CDK18: variants seen among roughly 807,000 people sequenced by gnomAD.
CDK18 encodes cyclin-dependent kinase 18.
Under a neutral mutation model 62.0 loss-of-function variants are expected in CDK18, and 52 were observed. That is an observed-to-expected ratio of 0.84 (90% CI 0.67 to 1.06). The LOEUF is 1.06. Among genes scored for constraint, CDK18 ranks in the 50% least tolerant of loss-of-function variants. The probability of loss-of-function intolerance (pLI) is 0.00; values close to 1 mark genes in which losing one functional copy is unlikely to be tolerated. For missense variants in CDK18, 604 were observed against 619.9 expected, an observed-to-expected ratio of 0.97 and a Z score of 0.27; for synonymous variants, 237 against 247.0, an observed-to-expected ratio of 0.96 and a Z score of 0.38.
At chr1:205,506,525 A>G (rs1667313292) in intron 1 of CDK18, among the ~76,000 whole-genome samples, 2 of 152,346 alleles carry the variant, frequency 1.3e-5, no homozygotes, top group South Asian at 2.1e-4. Flanking sequence ...TTTGTTGAAT[A>G]TCTACTGTGC....
chr1:205,525,860 A>G (rs1203490179), intron 5 of CDK18, among the ~76,000 whole-genome samples: 1 of 152,148 alleles, frequency 6.6e-6, no homozygotes, highest in Non-Finnish European at 1.5e-5. Flanking sequence ...TGGGGCTTAG[A>G]GGAAGGACGG....
Position 205,531,758 on chromosome 1 carries a change from C to A in CDK18, c.*380C>A. ...CTCTGCCCTGGATACAGGCTCTACC[C>A]TCCTCCCCCAGGACCTGCCTAGTGC... On this transcript the variant is annotated 3_prime_UTR_variant, in exon 16 of 16. Transcript: ENST00000429964. The A allele has an allele frequency of 8.1e-6, 2 of 245,708 alleles. No homozygotes were observed. Among genetic ancestry groups the A allele is most frequent in the Middle Eastern group, 1.6e-3 (1 of 634 alleles). 15.2% of individuals were successfully genotyped at this position (245,708 alleles called of 1,614,324 possible).
chr1:205,511,123 A>G (rs1009236864), intron 1 of CDK18, among the ~76,000 whole-genome samples: 2 of 152,248 alleles, frequency 1.3e-5, no homozygotes, highest in African/African-American at 4.8e-5. Flanking sequence ...CCAAGTCCCG[A>G]CAGTTTTTGT....
Position 205,531,363 on chromosome 1 carries a change from G to A in CDK18, c.1410G>A (p.Arg470=), listed in dbSNP as rs1668728179. 6.2e-7 allele frequency: 1 copy of A among 1,614,120 alleles called. No homozygotes were observed. The highest frequency in any genetic ancestry group is 8.5e-7 in the Non-Finnish European group (1 of 1,179,978). ...FQQPGRGKNR[R]QSIF ...CTCCAGGACGAGGGAAGAACAGGCG[G>A]CAGAGCATCTTCTGAGCCACGCCCA... Residue 470 remains arginine (R), a synonymous_variant, in exon 16 of 16, where the codon CGG becomes CGA. Coordinates refer to ENST00000429964, the MANE Select transcript of CDK18 (RefSeq NM_212502.3).
chr1:205,525,925 G>A (rs1668400120), intron 5 of CDK18, 140 bp from the exon 6 acceptor site: 2 of 624,842 alleles, frequency 3.2e-6, no homozygotes, highest in East Asian at 5.6e-5. Flanking sequence ...GTAGGCTTTG[G>A]AGGAAACAGC....
Position 205,530,680 on chromosome 1 carries a change from C to T in CDK18, c.1365C>T (p.Tyr455=). 3.1e-6 allele frequency: 5 copies of T among 1,613,888 alleles called. No individual in the cohort carries two copies. Among genetic ancestry groups the T allele is most frequent in the Non-Finnish European group, 4.2e-6 (5 of 1,180,028 alleles). ...TCCAGCTCCAGAAGGACCCAGGCTA[C>T]CGAGGCTTGGCCTTCCAGCAGCCAG... is the stretch of plus-strand genomic sequence containing the variant. The part of the protein sequence containing the change: ...KEIQLQKDPG[Y]RGLAFQQPGR... Residue 455 remains tyrosine (Y), a synonymous_variant, in exon 15 of 16, where the codon TAC becomes TAT. Transcript: ENST00000429964.
chr1:205,525,014 A>G, intron 4 of CDK18, 125 bp from the exon 5 acceptor site: 1 of 571,336 alleles, frequency 1.8e-6, no homozygotes, highest in Non-Finnish European at 3.2e-6. Flanking sequence ...ATAAAGGGAA[A>G]AGGAGCCCCT....
rs1267067960 is a variant in CDK18, at chr1:205,528,033, CAT to C, written c.854-14_854-13del. ...GCACCTGTGGACAGAGGTCCAGTGA[CAT>C]GTCTGCCCCCAGGACTGGCCAGGGC... is the stretch of plus-strand genomic sequence containing the variant. On this transcript the variant is annotated splice_polypyrimidine_tract_variant and intron_variant, in intron 9 of 15. Coordinates refer to ENST00000429964, the MANE Select transcript of CDK18 (RefSeq NM_212502.3). This position sits in a 1 kb window ranked among gnomAD's most constrained non-coding sequence, Gnocchi z 4.2. 3.1e-6 allele frequency: 5 copies of C among 1,613,962 alleles called. No individual in the cohort carries two copies. In the African/African-American group the frequency reaches 4.0e-5, roughly 13 times the overall value.
At chr1:205,525,286 C>T (rs551228194) in intron 5 of CDK18, 91 bp downstream of exon 5, 2 of 901,720 alleles carry the variant, frequency 2.2e-6, no homozygotes, top group East Asian at 5.3e-5. Flanking sequence ...TCTGGTCGGC[C>T]CTCTCTGGTT....
chr1:205,529,651 T>C, intron 13 of CDK18, 88 bp downstream of exon 13: 1 of 1,604,644 alleles, frequency 6.2e-7, no homozygotes, highest in Non-Finnish European at 8.5e-7. Context: ...CCAACTTCTG[T>C]GGCTCGTGTG....
rs570933501 is a variant in CDK18, at chr1:205,525,323, G to A, written c.456+128G>A. 229 of 585,534 alleles carry A rather than the reference G, an allele frequency of 3.9e-4. 1 individual carries two copies. The Middle Eastern group carries it at 0.016, about 40-fold the overall frequency. The allele number at this position is 585,534 out of a possible 1,614,324, so 36.3% of individuals were successfully genotyped here. ...GCCCTCTCCTGGCCCCTGCCCCATA[G>A]AGGTGCACAGTCTTGGCTGTGCGCT... On this transcript the variant is annotated intron_variant, in intron 5 of 15. Coordinates refer to ENST00000429964, the MANE Select transcript of CDK18 (RefSeq NM_212502.3).
At chr1:205,512,800 G>A (rs976804344) in intron 1 of CDK18, among the ~76,000 whole-genome samples, 1 of 152,212 alleles carries the variant, frequency 6.6e-6, no homozygotes, top group Non-Finnish European at 1.5e-5. Context: ...TGGGGGTGGA[G>A]TATAAATAGG....
rs1276302210 is a variant in CDK18, at chr1:205,530,673, C to A, written c.1358C>A (p.Pro453Gln). 1.2e-6 allele frequency: 2 copies of A among 1,613,802 alleles called. No homozygotes were observed. Among genetic ancestry groups the A allele is most frequent in the African/African-American group, 2.7e-5 (2 of 74,936 alleles). Residue 453 changes from proline to glutamine, a missense_variant, in exon 15 of 16, where the codon CCA becomes CAA. Physicochemically the swap from Pro to Gln is moderately conservative, Grantham distance 76. Transcript: ENST00000429964. ...AAGGAGATCCAGCTCCAGAAGGACC[C>A]AGGCTACCGAGGCTTGGCCTTCCAG... ...SLKEIQLQKD[P>Q]GYRGLAFQQP...
At position 205,528,155 on chromosome 1, in the gene CDK18, C is replaced by T. The variant is rs1668537420; in HGVS notation, c.961C>T (p.Pro321Ser). ...VLLGSTEYST[P>S]IDMWGVGCIH... ...GCTGGGATCCACAGAGTACTCCACC[C>T]CCATTGATATGTGGTGAGTGAGCAC... The change falls in exon 10 of 16, where the codon CCC (proline) becomes TCC (serine). Residue 321 changes from proline to serine, a missense_variant. Transcript: ENST00000429964. This position sits in a 1 kb window ranked among gnomAD's most constrained non-coding sequence, Gnocchi z 4.2. The T allele has an allele frequency of 2.5e-6, 4 of 1,613,600 alleles. No individual in the cohort carries two copies. The Admixed American group carries it at 5.0e-5, about 20-fold the overall frequency.
intron 11 of CDK18, 107 bp downstream of exon 11, chr1:205,529,203 G>T: frequency 7.4e-7 from 1 of 1,344,166 alleles, no homozygotes. Context: ...CCTCTCTCCC[G>T]GGCGGGGACC....
chr1:205,507,517 G>T (rs1667364434), intron 1 of CDK18, among the ~76,000 whole-genome samples: 2 of 150,786 alleles, frequency 1.3e-5, no homozygotes, highest in Middle Eastern at 3.2e-3. Flanking sequence ...GCAGGTGCCT[G>T]TAGCTACTCG....
At chr1:205,523,393 G>T in intron 2 of CDK18, 90 bp from the exon 3 acceptor site, 2 of 1,603,226 alleles carry the variant, frequency 1.2e-6, no homozygotes, top group East Asian at 2.2e-5. Context: ...CTGGCCTTAG[G>T]GGAGGAGCAC....
In CDK18 at chr1:205,523,313, C is replaced by T. The variant is rs186264542; in HGVS notation, c.130+16C>T. ...CGGAATGAGAGTGAGGGGTCTGGGC[C>T]CACCCAGCACCTCTCCCACCTACCA... is the stretch of plus-strand genomic sequence containing the variant. On this transcript the variant is annotated intron_variant, in intron 2 of 15. Coordinates refer to ENST00000429964, the MANE Select transcript of CDK18 (RefSeq NM_212502.3). The T allele has an allele frequency of 1.9e-6, 3 of 1,613,838 alleles. No individual in the cohort carries two copies. The highest frequency in any genetic ancestry group is 2.7e-5 in the African/African-American group (2 of 75,018).
chr1:205,524,408 CA>C lies in CDK18; in HGVS notation c.399+52del, dbSNP rs757311224. The C allele has an allele frequency of 2.0e-5, 32 of 1,603,556 alleles. No individual in the cohort carries two copies. The African/African-American group carries it at 3.6e-4, about 18-fold the overall frequency. On this transcript the variant is annotated intron_variant, in intron 4 of 15. Transcript: ENST00000429964. Reference sequence around the variant, plus strand: ...ACAAGGTGGGGTGATATGCCCTCCCCAGCATGGGCATATCAGTCCCAGCTGA... The same window carrying C: ...ACAAGGTGGGGTGATATGCCCTCCCCGCATGGGCATATCAGTCCCAGCTGA...
Sources: gnomAD v4.1 joint callset for allele counts (sites outside exome capture counted in the v4.1 genomes callset) on GRCh38, gnomAD v4.1.1 for gene constraint, Gnocchi (gnomAD v3.1) non-coding constraint, MANE v1.5 for transcripts, NCBI Gene and HGNC (gene_info 2026-07-23, HGNC 2026-07-21) for gene names.